The following CALN1 variants were observed in gnomAD, a reference collection of about 807,000 sequenced individuals.
CALN1 encodes calneuron 1.
In CALN1, 17 loss-of-function variants were observed where a neutral mutation model predicts 30.6. The observed-to-expected ratio is 0.56, with a 90% CI of 0.38 to 0.83. The LOEUF (loss-of-function observed/expected upper bound fraction) is 0.83, where lower values mean the gene tolerates loss of function less well. Among genes scored for constraint, CALN1 ranks in the 40% least tolerant of loss-of-function variants. The probability of loss-of-function intolerance (pLI) is 0.00; values close to 1 mark genes in which losing one functional copy is unlikely to be tolerated. For synonymous variants in CALN1, 156 were observed against 131.4 expected (o/e 1.19, Z -1.28); for missense variants, 291 against 354.9 (o/e 0.82, Z 1.45).
At chr7:72,455,319 A>G in the CALN1 span, among the ~76,000 whole-genome samples, 2 of 132,456 alleles carry the variant, frequency 1.5e-5, no homozygotes, top group African/African-American at 5.9e-5. Context: ...ATATATATAT[A>G]TATGTGTGTG....
intron 2 of CALN1, among the ~76,000 whole-genome samples, chr7:72,346,048 T>A (rs1200134958): frequency 6.6e-6 from 1 of 152,210 alleles, no homozygotes; most frequent in African/African-American, 2.4e-5. Context: ...ATTGTATAGA[T>A]GTTTAAGAAA....
chr7:72,487,774 AAGAAAG>A, the CALN1 span, among the ~76,000 whole-genome samples: 7 of 107,744 alleles, frequency 6.5e-5, no homozygotes, highest in African/African-American at 2.3e-4. Flanking sequence ...TAAAGAAAGA[AAGAAAG>A]AGAAAGAAAG....
At chr7:72,212,966 T>C (rs1483348430) in intron 3 of CALN1, among the ~76,000 whole-genome samples, 1 of 152,046 alleles carries the variant, frequency 6.6e-6, no homozygotes, top group Non-Finnish European at 1.5e-5. Context: ...GATTGTGGAG[T>C]CCACAAAACA....
chr7:71,930,670 G>T (rs1021538930), intron 5 of CALN1, among the ~76,000 whole-genome samples: 5 of 152,128 alleles, frequency 3.3e-5, no homozygotes, highest in Non-Finnish European at 4.4e-5. Context: ...TTCAGATCTG[G>T]AATTTAGGTC....
At chr7:72,471,565 G>A in the CALN1 span, among the ~76,000 whole-genome samples, 1 of 152,210 alleles carries the variant, frequency 6.6e-6, no homozygotes, top group Non-Finnish European at 1.5e-5. Context: ...GCTTCTGTGG[G>A]TCACTTGCTT....
chr7:72,062,297 G>C (rs60041459), intron 4 of CALN1, among the ~76,000 whole-genome samples: 2,117 of 152,262 alleles, frequency 0.014, 42 homozygotes, highest in African/African-American at 0.046. Flanking sequence ...GATCACTTGA[G>C]GTTAGGAGTT....
chr7:72,229,048 G>C (rs1793893983), intron 3 of CALN1, among the ~76,000 whole-genome samples: 1 of 151,348 alleles, frequency 6.6e-6, no homozygotes. Flanking sequence ...TACAGGTATG[G>C]GCCACCACAC....
Position 72,403,380 on chromosome 7 carries a change from G to C in CALN1, c.-11C>G, listed in dbSNP as rs879258849. ...CTCTGGCAGCCGCATCGGGGGTCCA[G>C]GGCGATGTTCTCAGAGAGAGTTAGA... On this transcript the variant is annotated 5_prime_UTR_variant, in exon 2 of 7. Transcript: ENST00000395275. 2 of 1,540,112 alleles carry C rather than the reference G, an allele frequency of 1.3e-6. No individual in the cohort carries two copies. The highest frequency in any genetic ancestry group is 8.7e-7 in the Non-Finnish European group (1 of 1,142,954).
At chr7:72,083,834 G>A (rs150496911) in intron 4 of CALN1, among the ~76,000 whole-genome samples, 6 of 151,834 alleles carry the variant, frequency 4.0e-5, no homozygotes, top group South Asian at 2.1e-4. Context: ...CAGGAGAATC[G>A]CTTGAACCAT....
intron 2 of CALN1, among the ~76,000 whole-genome samples, chr7:72,323,399 G>A (rs1437069845): frequency 1.3e-5 from 2 of 152,194 alleles, no homozygotes; most frequent in Non-Finnish European, 2.9e-5. Context: ...TATAGCAGTG[G>A]TGGCTGCAGC....
the CALN1 span, among the ~76,000 whole-genome samples, chr7:72,482,616 T>G: frequency 6.6e-6 from 1 of 152,170 alleles, no homozygotes; most frequent in Non-Finnish European, 1.5e-5. Flanking sequence ...AACATTATAA[T>G]AGTATTCTTC....
chr7:72,342,745 C>G (rs1562907028), intron 2 of CALN1, among the ~76,000 whole-genome samples: 1 of 152,016 alleles, frequency 6.6e-6, no homozygotes. Context: ...CTTCCCTTAT[C>G]TTTTTTATTT....
chr7:72,365,455 T>C (rs1330503788), intron 2 of CALN1, among the ~76,000 whole-genome samples: 1 of 152,144 alleles, frequency 6.6e-6, no homozygotes, highest in African/African-American at 2.4e-5. Context: ...TAAAAAATGT[T>C]TATTTTTTGA....
chr7:72,347,462 C>T (rs1245814828), intron 2 of CALN1, among the ~76,000 whole-genome samples: 9 of 151,982 alleles, frequency 5.9e-5, no homozygotes, highest in Non-Finnish European at 1.3e-4. Context: ...GACGGGGTTT[C>T]TCTATGTCGG....
At chr7:72,104,942 G>C (rs1806972925) in intron 4 of CALN1, among the ~76,000 whole-genome samples, 1 of 151,788 alleles carries the variant, frequency 6.6e-6, no homozygotes, top group South Asian at 2.1e-4. Flanking sequence ...GGGCGACAGA[G>C]AGAGACTCCG....
At chr7:71,990,467 CT>C (rs998150098) in intron 5 of CALN1, among the ~76,000 whole-genome samples, 129 of 147,560 alleles carry the variant, frequency 8.7e-4, no homozygotes, top group African/African-American at 2.1e-3. Flanking sequence ...AATTCATTTA[CT>C]TTTTTTTTTT....
chr7:71,800,134 C>CA (rs1787217954), intron 6 of CALN1, among the ~76,000 whole-genome samples: 1 of 152,174 alleles, frequency 6.6e-6, no homozygotes, highest in East Asian at 1.9e-4. Flanking sequence ...GTGACTTCAG[C>CA]GGGGAGGACT....
chr7:72,400,339 T>C (rs1007255483), intron 2 of CALN1, among the ~76,000 whole-genome samples: 10 of 152,158 alleles, frequency 6.6e-5, no homozygotes, highest in Non-Finnish European at 1.3e-4. Flanking sequence ...GATTCCTCCA[T>C]TTAATCACTG....
intron 5 of CALN1, among the ~76,000 whole-genome samples, chr7:71,970,581 T>C (rs776592736): frequency 2.8e-4 from 42 of 150,386 alleles, no homozygotes; most frequent in South Asian, 1.0e-3. Flanking sequence ...CTGCAAAATA[T>C]ACCTTTTTTT....
Sources: allele counts gnomAD v4.1 joint callset (sites outside exome capture counted in the v4.1 genomes callset), GRCh38; gene constraint gnomAD v4.1.1; transcripts MANE v1.5; gene names NCBI Gene and HGNC (gene_info 2026-07-23, HGNC 2026-07-21).